GPM6A: variants seen among roughly 807,000 people sequenced by gnomAD.
The protein encoded by GPM6A is glycoprotein M6A, also known as neuronal membrane glycoprotein M6-a.
A neutral mutation model predicts 32.1 loss-of-function variants in GPM6A; 7 were observed. That is an observed-to-expected ratio of 0.22 (90% CI 0.12 to 0.41). The LOEUF (loss-of-function observed/expected upper bound fraction) is 0.41, where lower values mean the gene tolerates loss of function less well. GPM6A is among the 10% of genes least tolerant of loss of function. The pLI, the probability that GPM6A is intolerant of heterozygous loss-of-function variation, is 1.00. For missense variants in GPM6A, 235 were observed against 347.2 expected (o/e 0.68, Z 2.57); for synonymous variants, 130 against 123.4 (o/e 1.05, Z -0.35).
At chr4:175,716,509 T>G (rs1284967981) in intron 1 of GPM6A, among the ~76,000 whole-genome samples, 1 of 152,108 alleles carries the variant, frequency 6.6e-6, no homozygotes, top group Non-Finnish European at 1.5e-5. Flanking sequence ...CATCATACAA[T>G]AGAATGCAAC....
At chr4:175,803,535 T>C (rs1301202331) in intron 1 of GPM6A, among the ~76,000 whole-genome samples, 1 of 152,156 alleles carries the variant, frequency 6.6e-6, no homozygotes, top group Non-Finnish European at 1.5e-5. Context: ...TCCTAGTATG[T>C]TCCAGGAATT....
intron 1 of GPM6A, among the ~76,000 whole-genome samples, chr4:175,885,191 A>G (rs775422109): frequency 3.3e-5 from 5 of 152,242 alleles, no homozygotes; most frequent in Non-Finnish European, 7.3e-5. Context: ...ATACTACAAA[A>G]TGATGATCAT....
chr4:175,833,186 G>C, intron 1 of GPM6A, among the ~76,000 whole-genome samples: 1 of 152,152 alleles, frequency 6.6e-6, no homozygotes, highest in East Asian at 1.9e-4. Flanking sequence ...AATATCATCA[G>C]TAAGAAATTC....
In GPM6A at chr4:175,981,580, T is replaced by C. The variant is rs149151338; in HGVS notation, c.-23+20729A>G. Among the ~76,000 whole-genome samples the C allele has an allele frequency of 4.7e-3, 717 of 152,316 alleles. 7 individuals are homozygous for C. The highest frequency in any genetic ancestry group is 0.016 in the African/African-American group (682 of 41,564). ...TATTGAGAGTTTCTTCATTCTTTAC[T>C]GCTGAGTAGAATTCCATCTATGGCT... On this transcript the variant is annotated intron_variant, in intron 1 of 7. Coordinates refer to the GPM6A transcript ENST00000280187.
At chr4:175,670,881 T>TTTTTTTTG (rs1743020889) in intron 3 of GPM6A, among the ~76,000 whole-genome samples, 1 of 132,366 alleles carries the variant, frequency 7.6e-6, no homozygotes, top group Non-Finnish European at 1.7e-5. Context: ...TTTTTTTTTT[T>TTTTTTTTG]GAGACAAAGT....
intron 1 of GPM6A, among the ~76,000 whole-genome samples, chr4:175,824,173 G>A (rs1268146473): frequency 2.0e-5 from 3 of 152,182 alleles, no homozygotes; most frequent in Non-Finnish European, 2.9e-5. Context: ...TCTTTGGATA[G>A]ATATTTGGCC....
At chr4:175,820,980 T>C (rs1735261686) in intron 1 of GPM6A, among the ~76,000 whole-genome samples, 1 of 152,152 alleles carries the variant, frequency 6.6e-6, no homozygotes, top group African/African-American at 2.4e-5. Context: ...TGCATACATT[T>C]AAAATTTTCC....
chr4:175,801,306 T>G (rs906226374), intron 1 of GPM6A, among the ~76,000 whole-genome samples: 27 of 152,016 alleles, frequency 1.8e-4, no homozygotes, highest in Admixed American at 1.2e-3. Context: ...AAAACTTTTA[T>G]AAATGTAGCA....
At chr4:175,969,046 T>C (rs907197200) in intron 1 of GPM6A, among the ~76,000 whole-genome samples, 26 of 152,210 alleles carry the variant, frequency 1.7e-4, no homozygotes, top group African/African-American at 5.3e-4. Flanking sequence ...AGATAAATTG[T>C]AGCACTTCCA....
chr4:175,991,184 G>C (rs1297958391), intron 1 of GPM6A, among the ~76,000 whole-genome samples: 1 of 148,506 alleles, frequency 6.7e-6, no homozygotes, highest in Non-Finnish European at 1.5e-5. Flanking sequence ...TCCTGCCTCA[G>C]CCTCCCAAGT....
chr4:175,730,431 C>T (rs1026875099), intron 1 of GPM6A, among the ~76,000 whole-genome samples: 8 of 149,190 alleles, frequency 5.4e-5, no homozygotes, highest in Non-Finnish European at 1.0e-4. Context: ...TTAGTATAGA[C>T]GGGGTTTCAC....
chr4:175,702,274 G>A (rs1464433832), intron 1 of GPM6A, among the ~76,000 whole-genome samples: 3 of 152,060 alleles, frequency 2.0e-5, no homozygotes, highest in Non-Finnish European at 1.5e-5. Flanking sequence ...GATAAAATCG[G>A]GGTAATTGGG....
intron 1 of GPM6A, among the ~76,000 whole-genome samples, chr4:175,746,481 C>A (rs1361990495): frequency 6.6e-6 from 1 of 152,086 alleles, no homozygotes; most frequent in Non-Finnish European, 1.5e-5. Context: ...GATTTAAAAT[C>A]TAATTTTTTT....
chr4:175,925,684 G>A (rs1165242780), intron 1 of GPM6A, among the ~76,000 whole-genome samples: 1 of 152,018 alleles, frequency 6.6e-6, no homozygotes, highest in East Asian at 1.9e-4. Context: ...ACATGTATTT[G>A]GAAGTGGCTG....
At chr4:175,803,776 G>A (rs527828225) in intron 1 of GPM6A, among the ~76,000 whole-genome samples, 1 of 152,016 alleles carries the variant, frequency 6.6e-6, no homozygotes, top group African/African-American at 2.4e-5. Context: ...TCATTATGAT[G>A]GTCAATTGAA....
chr4:175,990,216 C>A (rs534225251), intron 1 of GPM6A, among the ~76,000 whole-genome samples: 1 of 152,250 alleles, frequency 6.6e-6, no homozygotes, highest in East Asian at 1.9e-4. Context: ...CACATATTTT[C>A]TTCCTTTTTA....
At chr4:175,896,977 C>T (rs1737814165) in intron 1 of GPM6A, among the ~76,000 whole-genome samples, 1 of 151,958 alleles carries the variant, frequency 6.6e-6, no homozygotes, top group East Asian at 1.9e-4. Flanking sequence ...AGATGATTAA[C>T]TCAAGCACTT....
chr4:175,712,516 C>A (rs888531886), intron 1 of GPM6A, among the ~76,000 whole-genome samples: 1 of 152,198 alleles, frequency 6.6e-6, no homozygotes, highest in Non-Finnish European at 1.5e-5. Context: ...ATTTAGAGGA[C>A]TATTTCTGAA....
chr4:175,838,393 G>A (rs1209735184), intron 1 of GPM6A, among the ~76,000 whole-genome samples: 1 of 149,408 alleles, frequency 6.7e-6, no homozygotes. Context: ...TCTGAAGCTT[G>A]GATGATAGGG....
Sources: gnomAD v4.1 joint callset for allele counts (sites outside exome capture counted in the v4.1 genomes callset) on GRCh38, gnomAD v4.1.1 for gene constraint, MANE v1.5 for transcripts, NCBI Gene and HGNC (gene_info 2026-07-23, HGNC 2026-07-21) for gene names.